The following ABI3 variants were observed in gnomAD, a reference collection of about 807,000 sequenced individuals.
ABI3 encodes ABI family member 3, also known as ABI gene family member 3.
A neutral mutation model predicts 37.0 loss-of-function variants in ABI3; 24 were observed. The observed-to-expected ratio is 0.65, with a 90% CI of 0.47 to 0.91. The LOEUF (loss-of-function observed/expected upper bound fraction) is 0.91, where lower values mean the gene tolerates loss of function less well. Among genes scored for constraint, ABI3 ranks in the 40% least tolerant of loss-of-function variants. ABI3 has a pLI of 0.00. For missense variants in ABI3, 481 were observed against 485.1 expected (o/e 0.99, Z 0.08); for synonymous variants, 220 against 211.8 (o/e 1.04, Z -0.34).
intron 3 of ABI3, among the ~76,000 whole-genome samples, chr17:49,218,349 C>A (rs1419008517): frequency 3.9e-5 from 6 of 152,206 alleles, no homozygotes; most frequent in Non-Finnish European, 7.3e-5. Flanking sequence ...GGGGATACAG[C>A]CACACAAAGG....
chr17:49,218,171 C>T (rs1337962220), intron 3 of ABI3, among the ~76,000 whole-genome samples: 1 of 152,210 alleles, frequency 6.6e-6, no homozygotes, highest in Non-Finnish European at 1.5e-5. Flanking sequence ...CCCCGCCCTG[C>T]CCCTGTGGGC....
chr17:49,217,847 C>G lies in ABI3; in HGVS notation c.394C>G (p.Pro132Ala), dbSNP rs774775538. 15 of 1,605,862 alleles carry G rather than the reference C, an allele frequency of 9.3e-6. No homozygotes were observed. In the Admixed American group the frequency reaches 2.6e-4, roughly 27 times the overall value. ...QKVIAPENLP[P>A]LTPYCRRPLN... The stretch of plus-strand genomic sequence containing the variant: ...GGTCATCGCCCCAGAGAACCTACCC[C>G]CTCTCACGCCCTACTGCAGGAGACC... The change falls in exon 3 of 8, where the codon CCT (proline) becomes GCT (alanine). Residue 132 changes from proline to alanine, a missense_variant. Physicochemically the swap from Pro to Ala is conservative, Grantham distance 27. Coordinates refer to ENST00000225941, the MANE Select transcript of ABI3 (RefSeq NM_016428.3).
intron 1 of ABI3, 37 bp from the exon 2 acceptor site, chr17:49,216,494 G>A (rs755057959): frequency 6.8e-7 from 1 of 1,462,182 alleles, no homozygotes; most frequent in Non-Finnish European, 9.1e-7. Context: ...CCCAGTGGAA[G>A]ATGCTGGCCC....
chr17:49,214,159 A>C lies in ABI3; in HGVS notation c.118-2372A>C, dbSNP rs566244489. On this transcript the variant is annotated intron_variant, in intron 1 of 7. Coordinates refer to ENST00000225941, the MANE Select transcript of ABI3 (RefSeq NM_016428.3). Reference sequence around the variant, plus strand: ...CTCAGACCTTGCTCTGAGAGTTTGTAGGTCTGTTCTCCATTGACAGGCCCT... The same window carrying C: ...CTCAGACCTTGCTCTGAGAGTTTGTCGGTCTGTTCTCCATTGACAGGCCCT... Among the ~76,000 whole-genome samples the C allele has an allele frequency of 3.5e-4, 54 of 152,184 alleles. 1 individual carries two copies. The highest frequency in any genetic ancestry group is 6.9e-4 in the Non-Finnish European group (47 of 68,042).
At chr17:49,213,887 G>A (rs1049981780) in intron 1 of ABI3, among the ~76,000 whole-genome samples, 2 of 152,214 alleles carry the variant, frequency 1.3e-5, no homozygotes, top group Admixed American at 1.3e-4. Flanking sequence ...GGAAGGTCCT[G>A]AACTAAATCA....
intron 2 of ABI3, among the ~76,000 whole-genome samples, chr17:49,217,274 G>A (rs1234775647): frequency 6.6e-6 from 1 of 152,060 alleles, no homozygotes; most frequent in Non-Finnish European, 1.5e-5. Context: ...CTCCCCCGCC[G>A]CAGACCAGAG....
In ABI3 at chr17:49,219,728, C is replaced by T. The variant is rs1567884071; in HGVS notation, c.548+103C>T. ...CCCACCCCTGGCGCCCCCGGGTGCT[C>T]AGGCCGTCATGCTGGATGCCTGGCG... On this transcript the variant is annotated intron_variant, in intron 4 of 7. Transcript: ENST00000225941. This position sits in a 1 kb window ranked among gnomAD's most constrained non-coding sequence, Gnocchi z 4.3. 23 of 1,419,114 alleles carry T rather than the reference C, an allele frequency of 1.6e-5. No individual in the cohort carries two copies. The highest frequency in any genetic ancestry group is 2.2e-5 in the Non-Finnish European group (23 of 1,036,616). 87.9% of individuals were successfully genotyped at this position (1,419,114 alleles called of 1,614,324 possible). A position where few individuals can be genotyped will look rare whatever the true frequency, so the allele number is the denominator to read the frequency against.
At chr17:49,211,409 G>T (rs1001620648) in intron 1 of ABI3, among the ~76,000 whole-genome samples, 1 of 152,180 alleles carries the variant, frequency 6.6e-6, no homozygotes, top group East Asian at 1.9e-4. Context: ...GCAACAGATA[G>T]GGAGGTGGCA....
chr17:49,211,140 C>A (rs61665126), intron 1 of ABI3, among the ~76,000 whole-genome samples: 22 of 152,346 alleles, frequency 1.4e-4, no homozygotes, highest in African/African-American at 5.3e-4. Context: ...TGAGTTCCCA[C>A]GGGTCAATCC....
At position 49,216,583 on chromosome 17, in the gene ABI3, C is replaced by G; in HGVS notation, c.170C>G (p.Ala57Gly). Residue 57 changes from alanine (A) to glycine (G), a missense_variant, in exon 2 of 8, where the codon GCA becomes GGA. Transcript: ENST00000225941. ...GAGACCATGGCCTTCACTACCCAGG[C>G]ACTGGCCAGCGTGGCCTACCAGGTG... Reference protein sequence around the residue: ...LEETMAFTTQALASVAYQVGN... With the variant: ...LEETMAFTTQGLASVAYQVGN... 6.2e-7 allele frequency: 1 copy of G among 1,610,494 alleles called. No homozygotes were observed. The highest frequency in any genetic ancestry group is 8.5e-7 in the Non-Finnish European group (1 of 1,178,650).
chr17:49,212,942 T>C (rs1413624074), intron 1 of ABI3, among the ~76,000 whole-genome samples: 1 of 152,218 alleles, frequency 6.6e-6, no homozygotes, highest in Non-Finnish European at 1.5e-5. Context: ...CCATAACTTC[T>C]GCACACCTCA....
At chr17:49,212,584 G>A (rs967639536) in intron 1 of ABI3, among the ~76,000 whole-genome samples, 6 of 152,168 alleles carry the variant, frequency 3.9e-5, no homozygotes, top group African/African-American at 7.2e-5. Flanking sequence ...TTTGGGCCAG[G>A]CATGTTACCA....
intron 6 of ABI3, among the ~76,000 whole-genome samples, chr17:49,221,657 G>C (rs2043290081): frequency 6.6e-6 from 1 of 152,310 alleles, no homozygotes; most frequent in Admixed American, 6.5e-5. Flanking sequence ...CTATGTGCTA[G>C]CAGCACTGTG....
chr17:49,217,419 C>T (rs1026659434), intron 2 of ABI3, among the ~76,000 whole-genome samples: 8 of 152,166 alleles, frequency 5.3e-5, no homozygotes, highest in Non-Finnish European at 8.8e-5. Flanking sequence ...CCCTCTGCTC[C>T]GAAGTCAGCC....
chr17:49,216,354 T>C (rs1256628969), intron 1 of ABI3, among the ~76,000 whole-genome samples, 177 bp from the exon 2 acceptor site: 2 of 152,140 alleles, frequency 1.3e-5, no homozygotes, highest in African/African-American at 2.4e-5. Flanking sequence ...TAAAGTGATG[T>C]TGTAGCAAGT....
At chr17:49,220,140 G>A (rs1376471836) in intron 5 of ABI3, 29 bp from the exon 6 acceptor site, 1 of 1,611,236 alleles carries the variant, frequency 6.2e-7, no homozygotes, top group East Asian at 2.2e-5. Context: ...GGGAAGGCGT[G>A]TCCGCCAACC....
In ABI3 at chr17:49,223,158, T is replaced by C; in HGVS notation, c.*443T>C. 2.4e-6 allele frequency: 1 copy of C among 410,062 alleles called. No homozygotes were observed. Among genetic ancestry groups the C allele is most frequent in the Non-Finnish European group, 4.3e-6 (1 of 233,134 alleles). 25.4% of individuals were successfully genotyped at this position (410,062 alleles called of 1,614,324 possible). A position where few individuals can be genotyped will look rare whatever the true frequency, so the allele number is the denominator to read the frequency against. On this transcript the variant is annotated 3_prime_UTR_variant, in exon 8 of 8. Coordinates refer to ENST00000225941, the MANE Select transcript of ABI3 (RefSeq NM_016428.3). ...TCCCATTTCCTCAGTACCCACAAAG[T>C]GCAGCCCACATTGGACCCCAGACAC...
intron 7 of ABI3, 122 bp downstream of exon 7, chr17:49,222,347 C>T (rs537628317): frequency 5.6e-5 from 80 of 1,421,214 alleles, no homozygotes; most frequent in Middle Eastern, 5.5e-4. Context: ...ATTTTTCTGA[C>T]GAACTGACAG....
At position 49,219,862 on chromosome 17, in the gene ABI3, C is replaced by T; in HGVS notation, c.553C>T (p.Pro185Ser). 2.6e-6 allele frequency: 4 copies of T among 1,543,696 alleles called. No homozygotes were observed. Among genetic ancestry groups the T allele is most frequent in the Non-Finnish European group, 3.5e-6 (4 of 1,149,584 alleles). The change falls in exon 5 of 8, where the codon CCA becomes TCA. Residue 185 changes from proline (P) to serine (S), a missense_variant. Physicochemically the swap from Pro to Ser is moderately conservative, Grantham distance 74. Coordinates refer to ENST00000225941, the MANE Select transcript of ABI3 (RefSeq NM_016428.3). The surrounding 1 kb of genome is among the most constrained non-coding windows in gnomAD (Gnocchi z 4.3). ...ATPASATLGR[P>S]PRIPEPVHLP... Reference sequence around the variant, plus strand: ...CCACTCCCTGCCCCCCGCCAGGAGACCACCCCGGATTCCCGAGCCAGTGCA... The same window carrying T: ...CCACTCCCTGCCCCCCGCCAGGAGATCACCCCGGATTCCCGAGCCAGTGCA...
Sources: gnomAD v4.1 joint callset for allele counts (sites outside exome capture counted in the v4.1 genomes callset) on GRCh38, gnomAD v4.1.1 for gene constraint, Gnocchi (gnomAD v3.1) non-coding constraint, MANE v1.5 for transcripts, NCBI Gene and HGNC (gene_info 2026-07-23, HGNC 2026-07-21) for gene names.